The following COL6A6 variants were observed in gnomAD, a reference collection of about 807,000 sequenced individuals.
The protein encoded by COL6A6 is collagen type VI alpha 6 chain.
Under a neutral mutation model 208.6 loss-of-function variants are expected in COL6A6, and 183 were observed. The ratio of observed to expected loss-of-function variants is 0.88; its 90% CI spans 0.78 to 0.99. COL6A6 has a LOEUF of 0.99. Among genes scored for constraint, COL6A6 ranks in the 50% least tolerant of loss-of-function variants. COL6A6 has a pLI of 0.00. For synonymous variants in COL6A6, 973 were observed against 1,011.8 expected, an observed-to-expected ratio of 0.96 and a Z score of 0.73; for missense variants, 2,816 against 2,815.2, an observed-to-expected ratio of 1.00 and a Z score of -0.01.
rs1386064444 is a variant in COL6A6, at chr3:130,563,565, A to G, written c.562A>G (p.Thr188Ala). 14 of 1,613,940 alleles carry G rather than the reference A, an allele frequency of 8.7e-6. No homozygotes were observed. The highest frequency in any genetic ancestry group is 1.1e-5 in the Non-Finnish European group (13 of 1,179,904). ...ATSQFHFNLR[T>A]VRDLSMFSQN... ...GTCTCAGTTTCATTTCAACCTTCGG[A>G]CAGTCAGAGACCTCAGCATGTTTTC... Residue 188 changes from threonine to alanine, a missense_variant, in exon 3 of 37, where the codon ACA becomes GCA. Coordinates refer to ENST00000358511, the MANE Select transcript of COL6A6 (RefSeq NM_001102608.3).
intron 36 of COL6A6, among the ~76,000 whole-genome samples, chr3:130,665,979 G>A (rs984162039): frequency 3.9e-5 from 6 of 152,106 alleles, no homozygotes; most frequent in African/African-American, 1.4e-4. Context: ...GGTGCACAAC[G>A]TCACCTAAAT....
At chr3:130,649,585 A>G in intron 33 of COL6A6, 23 bp downstream of exon 33, 9 of 1,535,784 alleles carry the variant, frequency 5.9e-6, no homozygotes, top group South Asian at 1.2e-5. Flanking sequence ...AACCTTTCAC[A>G]TGACAATTCT....
Position 130,658,762 on chromosome 3 carries a change from T to G in COL6A6, c.5820T>G (p.Thr1940=), listed in dbSNP as rs1243417211. 6.2e-7 allele frequency: 1 copy of G among 1,611,004 alleles called. No homozygotes were observed. The highest frequency in any genetic ancestry group is 1.7e-5 in the Admixed American group (1 of 59,828). The stretch of plus-strand genomic sequence containing the variant: ...CATTAGAGAGACTCCAGCGGTGCAC[T>G]TTCTGCTATGGTAAGACCCACAGAG... ...IPALERLQRC[T]FCYDVCKPDA... The change falls in exon 34 of 37, where the codon ACT becomes ACG. Residue 1940 remains threonine, a synonymous_variant. Transcript: ENST00000358511.
chr3:130,571,949 C>T (rs2063177775), intron 7 of COL6A6, among the ~76,000 whole-genome samples: 1 of 149,962 alleles, frequency 6.7e-6, no homozygotes. Context: ...TCCCAAAGTG[C>T]TGGGATTACA....
At chr3:130,620,471 CA>C (rs2064677642) in intron 23 of COL6A6, among the ~76,000 whole-genome samples, 1 of 151,852 alleles carries the variant, frequency 6.6e-6, no homozygotes, top group Non-Finnish European at 1.5e-5. Flanking sequence ...AAGGTGAGGG[CA>C]AAAAAGTGTC....
intron 33 of COL6A6, among the ~76,000 whole-genome samples, chr3:130,657,605 G>C (rs1221753170): frequency 6.6e-6 from 1 of 152,148 alleles, no homozygotes; most frequent in Non-Finnish European, 1.5e-5. Context: ...CAACTCCTAA[G>C]ATAGGTTTTC....
rs140524388 is a variant in COL6A6 at position 130,649,428 on chromosome 3, G to T, written c.5599G>T (p.Ala1867Ser). 2.9e-5 allele frequency: 46 copies of T among 1,613,182 alleles called. No homozygotes were observed. In the African/African-American group the frequency reaches 4.9e-4, roughly 17 times the overall value. The change falls in exon 33 of 37, where the codon GCC becomes TCC. Residue 1867 changes from alanine to serine, a missense_variant. Physicochemically the swap from Ala to Ser is moderately conservative, Grantham distance 99 (BLOSUM62 1). Transcript: ENST00000358511. ...TCCGGGGGCACACACGAGAAAAATC[G>T]CCACATTTTTCAGCAGCGGTCAGTC... ...TLPGAHTRKI[A>S]TFFSSGQSAD...
rs145838008 is a variant in COL6A6 at position 130,591,450 on chromosome 3, C to T, written c.4272+356C>T. 6.4e-4 allele frequency among the ~76,000 whole-genome samples: 98 copies of T among 152,328 alleles called. 1 individual carries two copies. The highest frequency in any genetic ancestry group is 6.1e-3 in the Admixed American group (94 of 15,304). On this transcript the variant is annotated intron_variant, in intron 13 of 36. Coordinates refer to ENST00000358511, the MANE Select transcript of COL6A6 (RefSeq NM_001102608.3). Reference sequence around the variant, plus strand: ...GACCCCACTCTTTCTTGCATTCATTCATCCTTCCTTCCTCCCATCAATCCA... The same window carrying T: ...GACCCCACTCTTTCTTGCATTCATTTATCCTTCCTTCCTCCCATCAATCCA...
chr3:130,554,964 G>A (rs1472209220), intron 1 of COL6A6, among the ~76,000 whole-genome samples: 1 of 152,146 alleles, frequency 6.6e-6, no homozygotes, highest in Admixed American at 6.5e-5. Flanking sequence ...GGGCAGCCAG[G>A]CTGGGGCCCC....
At chr3:130,584,591 CTTTTTTTAT>C (rs1358628520) in intron 10 of COL6A6, among the ~76,000 whole-genome samples, 11 of 151,868 alleles carry the variant, frequency 7.2e-5, no homozygotes, top group Middle Eastern at 3.2e-3. Context: ...TTTGTTCTTT[CTTTTTTTAT>C]TTTTTTTATT....
At chr3:130,602,604 G>A (rs922620618) in intron 20 of COL6A6, among the ~76,000 whole-genome samples, 4 of 152,116 alleles carry the variant, frequency 2.6e-5, no homozygotes, top group African/African-American at 7.2e-5. Context: ...AAGTTGGCAG[G>A]GCTTGAGGAG....
rs1208679329 is a variant in COL6A6, at chr3:130,664,985, C to T, written c.6503-18C>T. 1 of 1,517,580 alleles carries T rather than the reference C, an allele frequency of 6.6e-7. No homozygotes were observed. Among genetic ancestry groups the T allele is most frequent in the Admixed American group, 1.8e-5 (1 of 55,726 alleles). 94.0% of individuals were successfully genotyped at this position (1,517,580 alleles called of 1,614,324 possible). On this transcript the variant is annotated intron_variant, in intron 35 of 36. Coordinates refer to ENST00000358511, the MANE Select transcript of COL6A6 (RefSeq NM_001102608.3). ...ACAGTCATGAATACAAGACTTATCA[C>T]AGACTTTTCTCTTCTAGGTGCAATC...
chr3:130,667,858 G>A (rs577501862), intron 36 of COL6A6, among the ~76,000 whole-genome samples: 3 of 151,542 alleles, frequency 2.0e-5, no homozygotes, highest in African/African-American at 7.3e-5. Flanking sequence ...CATTTGGGCC[G>A]GGGATTAGGC....
chr3:130,608,478 C>A (rs1189619041), intron 21 of COL6A6, among the ~76,000 whole-genome samples: 1 of 152,058 alleles, frequency 6.6e-6, no homozygotes, highest in Non-Finnish European at 1.5e-5. Flanking sequence ...GAATGCTCAA[C>A]TTTTGTTCCC....
Position 130,581,656 on chromosome 3 carries a change from C to A in COL6A6, c.3643C>A (p.Gln1215Lys). The A allele has an allele frequency of 6.2e-7, 1 of 1,614,006 alleles. No homozygotes were observed. Among genetic ancestry groups the A allele is most frequent in the Non-Finnish European group, 8.5e-7 (1 of 1,179,862 alleles). ...TCAGCCTTGGATGGAAACCTACCTT[C>A]AAGACATCTTACGTGCCATCAGCTC... ...EGQPWMETYL[Q>K]DILRAISSLN... Residue 1215 changes from glutamine (Q) to lysine (K), a missense_variant, in exon 9 of 37, where the codon CAA (glutamine) becomes AAA (lysine). Physicochemically the swap from Gln to Lys is moderately conservative, Grantham distance 53. Coordinates refer to ENST00000358511, the MANE Select transcript of COL6A6 (RefSeq NM_001102608.3).
At chr3:130,664,077 GTCT>G (rs1487068632) in intron 35 of COL6A6, among the ~76,000 whole-genome samples, 1 of 152,152 alleles carries the variant, frequency 6.6e-6, no homozygotes, top group Non-Finnish European at 1.5e-5. Flanking sequence ...TTACTGACTG[GTCT>G]TCTGGTCTAG....
At chr3:130,583,304 A>G (rs571464428) in intron 10 of COL6A6, among the ~76,000 whole-genome samples, 1 of 152,258 alleles carries the variant, frequency 6.6e-6, no homozygotes, top group Non-Finnish European at 1.5e-5. Flanking sequence ...GCCTTTGTTC[A>G]TGAGCTGTAA....
chr3:130,625,231 ATTC>A (rs1322236458), intron 24 of COL6A6, among the ~76,000 whole-genome samples: 1 of 152,100 alleles, frequency 6.6e-6, no homozygotes, highest in Non-Finnish European at 1.5e-5. Context: ...ATAGAATCCT[ATTC>A]TTCGTTACCC....
At chr3:130,575,077 A>G (rs2063261073) in intron 8 of COL6A6, among the ~76,000 whole-genome samples, 2 of 152,168 alleles carry the variant, frequency 1.3e-5, no homozygotes, top group Non-Finnish European at 1.5e-5. Flanking sequence ...TTTCTGTTAT[A>G]AAGGTATCTT....
Sources: gnomAD v4.1 joint callset for allele counts (sites outside exome capture counted in the v4.1 genomes callset) on GRCh38, gnomAD v4.1.1 for gene constraint, MANE v1.5 for transcripts, NCBI Gene and HGNC (gene_info 2026-07-23, HGNC 2026-07-21) for gene names.